PPEF2: variants seen among roughly 807,000 people sequenced by gnomAD.
PPEF2 encodes serine/threonine-protein phosphatase with EF-hands 2.
In PPEF2, 84 loss-of-function variants were observed where a neutral mutation model predicts 84.7. The observed-to-expected ratio is 0.99, with a 90% CI of 0.83 to 1.19. PPEF2 has a LOEUF of 1.19. PPEF2 is among the 50% of genes most tolerant of loss of function. PPEF2 has a pLI of 0.00. For synonymous variants in PPEF2, 346 were observed against 345.2 expected (o/e 1.00, Z -0.03); for missense variants, 924 against 937.5 (o/e 0.99, Z 0.19).
chr4:75,873,887 A>G (rs1724345861), intron 11 of PPEF2, among the ~76,000 whole-genome samples: 2 of 151,898 alleles, frequency 1.3e-5, no homozygotes, highest in African/African-American at 2.4e-5. Flanking sequence ...TAGGTGGACC[A>G]TTTGAGGTCA....
rs536900380 is a variant in PPEF2, at chr4:75,868,444, TA to T, written c.1650-1026del. Among the ~76,000 whole-genome samples the T allele has an allele frequency of 9.5e-3, 1,439 of 151,844 alleles. 29 individuals are homozygous for T. Among genetic ancestry groups the T allele is most frequent in the African/African-American group, 0.033 (1,380 of 41,404 alleles). On this transcript the variant is annotated intron_variant, in intron 13 of 16. Coordinates refer to ENST00000286719, the MANE Select transcript of PPEF2 (RefSeq NM_006239.3). ...ACCTATCTTTTCCCGTGTTAAAAGT[TA>T]AAAAAAATTAAATCATGTTTGATGA...
Position 75,861,052 on chromosome 4 carries a change from A to C in PPEF2, c.2009-132T>G, listed in dbSNP as rs1000923863. 5 of 1,093,670 alleles carry C rather than the reference A, an allele frequency of 4.6e-6. No individual in the cohort carries two copies. The African/African-American group carries it at 7.9e-5, about 17-fold the overall frequency. 67.7% of individuals were successfully genotyped at this position (1,093,670 alleles called of 1,614,324 possible). A position where few individuals can be genotyped will look rare whatever the true frequency, so the allele number is the denominator to read the frequency against. On this transcript the variant is annotated intron_variant, in intron 16 of 16. Coordinates refer to ENST00000286719, the MANE Select transcript of PPEF2 (RefSeq NM_006239.3). ...CACACAAATCCTAGTATCTAATTTA[A>C]ACTCCCAAGAGGATCACACAAACCC...
intron 6 of PPEF2, 134 bp from the exon 7 acceptor site, chr4:75,887,032 G>T: frequency 2.1e-6 from 1 of 475,764 alleles, no homozygotes; most frequent in Non-Finnish European, 3.8e-6. Flanking sequence ...GTAAGATAAG[G>T]ATAAATATTA....
intron 2 of PPEF2, among the ~76,000 whole-genome samples, chr4:75,893,560 A>T (rs1724941478): frequency 6.6e-6 from 1 of 152,164 alleles, no homozygotes; most frequent in Non-Finnish European, 1.5e-5. Context: ...GGTGCTACAG[A>T]TTCTTTAGAG....
intron 6 of PPEF2, 84 bp from the exon 7 acceptor site, chr4:75,886,982 G>C (rs924876443): frequency 8.3e-6 from 6 of 723,002 alleles, no homozygotes; most frequent in Non-Finnish European, 1.4e-5. Context: ...AAAATACCCA[G>C]AAGAATCTGA....
intron 5 of PPEF2, 25 bp downstream of exon 5, chr4:75,889,932 A>G (rs1316178547): frequency 6.2e-7 from 1 of 1,612,518 alleles, no homozygotes; most frequent in African/African-American, 1.3e-5. Context: ...GTTGGTAGTG[A>G]CCCAGGTTCC....
At chr4:75,892,041 T>C in intron 2 of PPEF2, 63 bp from the exon 3 acceptor site, 1 of 1,588,732 alleles carries the variant, frequency 6.3e-7, no homozygotes, top group East Asian at 2.3e-5. Context: ...GGTTTGGGGG[T>C]AGGGAGAGGA....
In PPEF2 at chr4:75,880,818, T is replaced by TTG. The variant is rs34174332; in HGVS notation, c.933+2107_933+2108insCA. 7.2e-4 allele frequency among the ~76,000 whole-genome samples: 96 copies of TTG among 133,964 alleles called. 10 individuals are homozygous for TTG. Among genetic ancestry groups the TTG allele is most frequent in the Non-Finnish European group, 7.7e-4 (46 of 60,050 alleles). The allele number at this position is 133,964 out of a possible 152,430, so 87.9% of individuals were successfully genotyped here. On this transcript the variant is annotated intron_variant, in intron 10 of 16. Transcript: ENST00000286719. ...CCCTATAAATACTTTTTTTTTTTTT[T>TTG]GAGACAGAGTCTCACTCTGTCGCCA...
At chr4:75,888,790 T>A (rs1339551378) in intron 5 of PPEF2, among the ~76,000 whole-genome samples, 1 of 152,246 alleles carries the variant, frequency 6.6e-6, no homozygotes. Flanking sequence ...ACCTCTACCC[T>A]ACCATCAGAG....
chr4:75,890,163 A>C, intron 4 of PPEF2, 31 bp from the exon 5 acceptor site: 1 of 1,610,236 alleles, frequency 6.2e-7, no homozygotes, highest in Non-Finnish European at 8.5e-7. Flanking sequence ...GGATCAGCTT[A>C]TGATCATCTG....
At position 75,866,286 on chromosome 4, in the gene PPEF2, C is replaced by A. The variant is rs76434763; in HGVS notation, c.1823G>T (p.Arg608Leu). The A allele has an allele frequency of 3.9e-4, 637 of 1,614,144 alleles. 1 individual carries two copies. The African/African-American group carries it at 7.5e-3, about 19-fold the overall frequency. ...ESVLHLGLPW[R>L]MLRPQLVNSS... The stretch of plus-strand genomic sequence containing the variant: ...GTTCACCAGCTGTGGCCTCAGCATC[C>A]GCCATGGCAGTCCTAGGTGCAACAC... Residue 608 changes from arginine to leucine, a missense_variant, in exon 15 of 17, where the codon CGG becomes CTG. Physicochemically the swap from Arg to Leu is moderately radical, Grantham distance 102. Coordinates refer to ENST00000286719, the MANE Select transcript of PPEF2 (RefSeq NM_006239.3).
At chr4:75,879,550 CTT>C (rs1320200266) in intron 10 of PPEF2, among the ~76,000 whole-genome samples, 1 of 152,110 alleles carries the variant, frequency 6.6e-6, no homozygotes, top group Non-Finnish European at 1.5e-5. Context: ...ATATGGAAAA[CTT>C]AGTAATTGTA....
At position 75,872,011 on chromosome 4, in the gene PPEF2, T is replaced by C; in HGVS notation, c.1649+14A>G. The stretch of plus-strand genomic sequence containing the variant: ...AATTTTTTTTTCTGAAAATCACTCA[T>C]TGAAAAGTCTTGCCTTTGCCTCATG... On this transcript the variant is annotated intron_variant, in intron 13 of 16. Transcript: ENST00000286719. 6.4e-7 allele frequency: 1 copy of C among 1,562,828 alleles called. No individual in the cohort carries two copies. Among genetic ancestry groups the C allele is most frequent in the Non-Finnish European group, 8.6e-7 (1 of 1,157,244 alleles).
intron 13 of PPEF2, 151 bp downstream of exon 13, chr4:75,871,874 G>T: frequency 1.4e-6 from 1 of 724,218 alleles, no homozygotes; most frequent in Non-Finnish European, 2.2e-6. Flanking sequence ...CTACTCTAAT[G>T]TCTATTGTAT....
intron 13 of PPEF2, among the ~76,000 whole-genome samples, chr4:75,871,245 T>C (rs9884249): frequency 0.99 from 150,935 of 152,222 alleles, 74,843 homozygotes; most frequent in Middle Eastern, 1. Flanking sequence ...AGTAGTATTA[T>C]ATGCTTCCTT....
intron 1 of PPEF2, among the ~76,000 whole-genome samples, chr4:75,901,388 T>A (rs976090939): frequency 3.9e-5 from 6 of 151,964 alleles, no homozygotes; most frequent in Non-Finnish European, 8.8e-5. Context: ...TGGTGGCACA[T>A]GCCTATAATA....
intron 2 of PPEF2, among the ~76,000 whole-genome samples, chr4:75,894,354 G>A (rs1408722311): frequency 6.6e-6 from 1 of 152,072 alleles, no homozygotes; most frequent in African/African-American, 2.4e-5. Context: ...AATGAATTAT[G>A]ACATCCCTTT....
intron 2 of PPEF2, 32 bp from the exon 3 acceptor site, chr4:75,892,010 G>C (rs750447935): frequency 6.2e-7 from 1 of 1,605,888 alleles, no homozygotes; most frequent in Non-Finnish European, 8.5e-7. Context: ...AAGCCTGTGA[G>C]CTCGGACTCC....
At chr4:75,883,861 G>A (rs1376017963) in intron 8 of PPEF2, among the ~76,000 whole-genome samples, 3 of 151,554 alleles carry the variant, frequency 2.0e-5, no homozygotes, top group Non-Finnish European at 4.4e-5. Flanking sequence ...TGGACACGGT[G>A]GCTCATGCGT....
Sources: gnomAD v4.1 joint callset for allele counts (sites outside exome capture counted in the v4.1 genomes callset) on GRCh38, gnomAD v4.1.1 for gene constraint, MANE v1.5 for transcripts, NCBI Gene and HGNC (gene_info 2026-07-23, HGNC 2026-07-21) for gene names.